Variants in MAD1L1 observed in about 807,000 individuals in gnomAD.
MAD1L1 encodes mitotic arrest deficient 1 like 1.
A neutral mutation model predicts 96.9 loss-of-function variants in MAD1L1; 95 were observed. The observed-to-expected ratio is 0.98, with a 90% CI of 0.83 to 1.16. MAD1L1 has a LOEUF of 1.16. MAD1L1 is among the 50% of genes most tolerant of loss of function. The pLI is 0.00. For missense variants in MAD1L1, 1,007 were observed against 954.4 expected, an observed-to-expected ratio of 1.06 and a Z score of -0.73; for synonymous variants, 473 against 396.6, an observed-to-expected ratio of 1.19 and a Z score of -2.29.
At chr7:2,002,002 C>G (rs925456920) in intron 14 of MAD1L1, 63 bp downstream of exon 14, 2 of 1,547,006 alleles carry the variant, frequency 1.3e-6, no homozygotes, top group South Asian at 1.1e-5. Flanking sequence ...TGGGGACAGG[C>G]GTCCCTGCCC....
chr7:2,023,892 T>C (rs943099592), intron 12 of MAD1L1, among the ~76,000 whole-genome samples: 2 of 151,942 alleles, frequency 1.3e-5, no homozygotes, highest in African/African-American at 2.4e-5. Context: ...GAAGTTGCAG[T>C]GAGCCGAGAT....
At chr7:1,899,816 C>T (rs950040118) in intron 17 of MAD1L1, among the ~76,000 whole-genome samples, 2 of 152,124 alleles carry the variant, frequency 1.3e-5, no homozygotes, top group African/African-American at 2.4e-5. Context: ...TTAAGGTGGA[C>T]GATGCAGTCC....
chr7:2,085,531 G>T lies in MAD1L1; in HGVS notation c.1074-16193C>A, dbSNP rs1785871112. On this transcript the variant is annotated intron_variant, in intron 11 of 18. Coordinates refer to ENST00000265854, the MANE Select transcript of MAD1L1 (RefSeq NM_001013836.2). Reference sequence around the variant, plus strand: ...GTGTCTCAGGAATGCCCTGCTTTGAGTTCGGGACTTTGCCTATTCTGGGCA... The same window carrying T: ...GTGTCTCAGGAATGCCCTGCTTTGATTTCGGGACTTTGCCTATTCTGGGCA... 2.0e-5 allele frequency among the ~76,000 whole-genome samples: 3 copies of T among 152,352 alleles called. No homozygotes were observed. In the South Asian group the frequency reaches 6.2e-4, roughly 32 times the overall value.
chr7:2,098,183 C>T (rs886974726), intron 11 of MAD1L1, among the ~76,000 whole-genome samples: 1 of 152,166 alleles, frequency 6.6e-6, no homozygotes, highest in Non-Finnish European at 1.5e-5. Flanking sequence ...TCAAAATGAC[C>T]TTGAGTCTTT....
rs561714108 is a variant in MAD1L1, at chr7:2,161,889, T to TG, written c.987-12652dup. On this transcript the variant is annotated intron_variant, in intron 10 of 18. Coordinates refer to ENST00000265854, the MANE Select transcript of MAD1L1 (RefSeq NM_001013836.2). ...CCCAGCAGCCGCCCTGTCCGGGAGG[T>TG]GGGGGGCAGCCCCCGCCCGCCAGCC... Among the ~76,000 whole-genome samples the TG allele has an allele frequency of 9.6e-3, 1,386 of 144,656 alleles. 9 individuals are homozygous for TG. The highest frequency in any genetic ancestry group is 0.014 in the Admixed American group (208 of 14,690). 94.9% of individuals were successfully genotyped at this position (144,656 alleles called of 152,430 possible).
chr7:2,151,408 T>G (rs1030028938), intron 10 of MAD1L1, among the ~76,000 whole-genome samples: 1 of 152,102 alleles, frequency 6.6e-6, no homozygotes, highest in African/African-American at 2.4e-5. Context: ...GGACCTCACA[T>G]GTCACTGGAC....
chr7:2,164,599 G>A (rs1299201921), intron 10 of MAD1L1, among the ~76,000 whole-genome samples: 1 of 149,228 alleles, frequency 6.7e-6, no homozygotes, highest in African/African-American at 2.5e-5. Flanking sequence ...AAAATGGGGG[G>A]GGGGGGGGTT....
rs149596003 is a variant in MAD1L1, at chr7:2,203,141, G to A, written c.986+10071C>T. Among the ~76,000 whole-genome samples the A allele has an allele frequency of 7.4e-4, 112 of 152,332 alleles. 1 individual carries two copies. Among genetic ancestry groups the A allele is most frequent in the Non-Finnish European group, 7.1e-4 (48 of 68,032 alleles). The stretch of plus-strand genomic sequence containing the variant: ...GGATGGGAAGCAAGGCCAGATTCAG[G>A]CACAACGGGACAGGCAAGGAGCCAA... On this transcript the variant is annotated intron_variant, in intron 10 of 18. Transcript: ENST00000265854.
intron 16 of MAD1L1, among the ~76,000 whole-genome samples, chr7:1,938,994 C>T (rs1778787750): frequency 7.1e-6 from 1 of 141,380 alleles, no homozygotes; most frequent in Non-Finnish European, 1.5e-5. Flanking sequence ...GAGGCGCACA[C>T]ACACGCACAC....
At chr7:1,847,327 G>A (rs1382522120) in intron 18 of MAD1L1, 1 of 471,106 alleles carries the variant, frequency 2.1e-6, no homozygotes, top group Non-Finnish European at 4.4e-6. Flanking sequence ...AGCAAACCAG[G>A]CATGGCAGGC....
Position 2,054,207 on chromosome 7 carries a change from A to T in MAD1L1, c.1218+14987T>A, listed in dbSNP as rs117080619. 5.7e-3 allele frequency among the ~76,000 whole-genome samples: 870 copies of T among 152,364 alleles called. 2 individuals are homozygous for T. Among genetic ancestry groups the T allele is most frequent in the South Asian group, 0.011 (54 of 4,828 alleles). On this transcript the variant is annotated intron_variant, in intron 12 of 18. Transcript: ENST00000265854. ...GTCCCACCCATGGGCGGGTGGGGAC[A>T]GGACTGTGGTCTTTTCAAAGAGCCA...
chr7:1,931,316 AC>A (rs879768855), intron 17 of MAD1L1, among the ~76,000 whole-genome samples: 4 of 152,200 alleles, frequency 2.6e-5, no homozygotes, highest in Admixed American at 2.6e-4. Context: ...CTGCGGGCAC[AC>A]CCTTGCTCCT....
Position 1,830,290 on chromosome 7 carries a change from G to A in MAD1L1, c.1999-14062C>T, listed in dbSNP as rs1226861185. Among the ~76,000 whole-genome samples the A allele has an allele frequency of 8.5e-5, 13 of 152,330 alleles. No homozygotes were observed. The East Asian group carries it at 1.7e-3, about 20-fold the overall frequency. On this transcript the variant is annotated intron_variant, in intron 18 of 18. Coordinates refer to ENST00000265854, the MANE Select transcript of MAD1L1 (RefSeq NM_001013836.2). ...CACATCCCTGTAATCCCAGCTACTC[G>A]GGAGGCTGAGGCAGGAGAATCGCTT...
chr7:2,143,359 A>G (rs17132255), intron 11 of MAD1L1, among the ~76,000 whole-genome samples: 7,074 of 149,372 alleles, frequency 0.047, 601 homozygotes, highest in African/African-American at 0.17. Flanking sequence ...TGGATGACTC[A>G]AGTGCACCAT....
At chr7:2,230,414 C>T (rs1300408728) in intron 2 of MAD1L1, 135 bp downstream of exon 2, 9 of 355,914 alleles carry the variant, frequency 2.5e-5, no homozygotes, top group African/African-American at 8.2e-5. Flanking sequence ...GGACAGCTGG[C>T]GCCCGGGAGG....
chr7:1,861,196 T>A (rs59427342), intron 18 of MAD1L1, among the ~76,000 whole-genome samples: 12,833 of 152,136 alleles, frequency 0.084, 1,758 homozygotes, highest in African/African-American at 0.29. Flanking sequence ...AGGCTGGGGC[T>A]CGGCCACGGC....
rs72503896 is a variant in MAD1L1, at chr7:1,905,617, T to C, written c.1808-7227A>G. Among the ~76,000 whole-genome samples the C allele has an allele frequency of 2.0e-5, 3 of 152,390 alleles. No homozygotes were observed. In the East Asian group the frequency reaches 5.8e-4, roughly 29 times the overall value. On this transcript the variant is annotated intron_variant, in intron 17 of 18. Coordinates refer to ENST00000265854, the MANE Select transcript of MAD1L1 (RefSeq NM_001013836.2). ...ACGCAGTAGCCTATGGAAGATGCTCTTGTGGAATTCATGATTGGTGAAGCA... is the reference window on the plus strand; with the variant it reads ...ACGCAGTAGCCTATGGAAGATGCTCCTGTGGAATTCATGATTGGTGAAGCA...
intron 12 of MAD1L1, among the ~76,000 whole-genome samples, chr7:2,033,230 G>A (rs964434689): frequency 6.6e-6 from 1 of 152,254 alleles, no homozygotes; most frequent in Admixed American, 6.5e-5. Context: ...TGCTGCAGGT[G>A]TGAGTAACGC....
At chr7:1,950,316 G>GTCCT (rs950093254) in intron 16 of MAD1L1, among the ~76,000 whole-genome samples, 2 of 77,088 alleles carry the variant, frequency 2.6e-5, no homozygotes, top group Non-Finnish European at 7.7e-5. Context: ...CCATCCGTCT[G>GTCCT]TCCGTCCGTC....
Sources: gnomAD v4.1 joint callset for allele counts (sites outside exome capture counted in the v4.1 genomes callset) on GRCh38, gnomAD v4.1.1 for gene constraint, MANE v1.5 for transcripts, NCBI Gene and HGNC (gene_info 2026-07-23, HGNC 2026-07-21) for gene names.